Variants in FRMD7 observed in about 807,000 individuals in gnomAD.
The protein encoded by FRMD7 is FERM domain containing 7, also known as FERM domain-containing protein 7.
In FRMD7, 14 loss-of-function variants were observed where a neutral mutation model predicts 44.1. The observed-to-expected ratio is 0.32, with a 90% CI of 0.21 to 0.50. FRMD7 has a LOEUF of 0.50. FRMD7 is among the 20% of genes least tolerant of loss of function. The pLI, the probability that FRMD7 is intolerant of heterozygous loss-of-function variation, is 0.99. For missense variants in FRMD7, 501 were observed against 522.3 expected (o/e 0.96, Z 0.40); for synonymous variants, 212 against 187.4 (o/e 1.13, Z -1.07).
intron 1 of FRMD7, among the ~76,000 whole-genome samples, chrX:132,104,829 A>C (rs924168039): frequency 1.8e-5 from 2 of 112,779 alleles, no homozygotes; most frequent in African/African-American, 6.4e-5. Flanking sequence ...TCCCATGCTT[A>C]CTAATGATTA....
chrX:132,094,715 GT>G (rs1190391649), intron 4 of FRMD7, among the ~76,000 whole-genome samples: 1 of 112,051 alleles, frequency 8.9e-6, no homozygotes, highest in Non-Finnish European at 1.9e-5. Context: ...AAAAGACTGT[GT>G]TTTAGAAATG....
intron 4 of FRMD7, 57 bp from the exon 5 acceptor site, chrX:132,094,196 T>C: frequency 1.4e-6 from 1 of 732,288 alleles, no homozygotes. Context: ...GAAAGAAGCA[T>C]TTTCCTTCTC....
chrX:132,077,984 C>A lies in FRMD7; in HGVS notation c.2033G>T (p.Arg678Leu), dbSNP rs755557174. ...KEIRSPMARI[R>L]LSSGSLQLDE... ...TAACTGTAGACTACCAGAAGACAGGCGGATTCTGGCCATGGGTGACCTTAT... is the reference window on the plus strand; with the variant it reads ...TAACTGTAGACTACCAGAAGACAGGAGGATTCTGGCCATGGGTGACCTTAT... The change falls in exon 12 of 12, where the codon CGC becomes CTC. Residue 678 changes from arginine (R) to leucine (L), a missense_variant. Around this residue, in one of 3 missense-constraint regions of FRMD7, gnomAD observed 453 missense variants for 452.7 expected, o/e 1.00. Coordinates refer to ENST00000298542, the MANE Select transcript of FRMD7 (RefSeq NM_194277.3). 1 of 1,208,508 alleles carries A rather than the reference C, an allele frequency of 8.3e-7. No individual in the cohort carries two copies.
rs1317899091 is a variant in FRMD7, at chrX:132,078,499, G to A, written c.1518C>T (p.Pro506=). The A allele has an allele frequency of 8.3e-7, 1 of 1,210,486 alleles. No individual in the cohort carries two copies. The highest frequency in any genetic ancestry group is 2.2e-5 in the Admixed American group (1 of 45,978). Residue 506 remains proline, a synonymous_variant, in exon 12 of 12, where the codon CCC becomes CCT. Transcript: ENST00000298542. ...CCTCTGCTCTAATTGGGGACCATCT[G>A]GGCACCTGGGGTGGCTTGTCCACAT... ...FFYVDKPPQV[P]RWSPIRAEER...
At chrX:132,101,054 T>G (rs1928484400) in intron 1 of FRMD7, among the ~76,000 whole-genome samples, 1 of 111,670 alleles carries the variant, frequency 9.0e-6, no homozygotes, top group Admixed American at 9.5e-5. Flanking sequence ...TTCTTCCAAA[T>G]TGACAGATAG....
At chrX:132,092,466 T>C (rs2124237934) in intron 5 of FRMD7, among the ~76,000 whole-genome samples, 1 of 112,082 alleles carries the variant, frequency 8.9e-6, no homozygotes, top group East Asian at 2.8e-4. Flanking sequence ...AGCAATCTAG[T>C]TGTGTTCTGC....
chrX:132,096,386 C>T (rs1002669112), intron 4 of FRMD7, among the ~76,000 whole-genome samples: 1 of 110,095 alleles, frequency 9.1e-6, no homozygotes, highest in Non-Finnish European at 1.9e-5. Context: ...TAAGAGGGCT[C>T]GATTAGATTA....
intron 1 of FRMD7, among the ~76,000 whole-genome samples, chrX:132,123,962 C>T (rs1053502018): frequency 2.7e-5 from 3 of 112,124 alleles, no homozygotes; most frequent in Non-Finnish European, 5.6e-5. Flanking sequence ...GTGTCAAATA[C>T]GGTGATGGGA....
chrX:132,093,982 C>A, intron 5 of FRMD7, 60 bp downstream of exon 5: 1 of 699,959 alleles, frequency 1.4e-6, no homozygotes, highest in Non-Finnish European at 2.3e-6. Context: ...AGCTCAGCTC[C>A]TGTGCTTGGT....
At chrX:132,079,447 T>C (rs1927736162) in intron 11 of FRMD7, among the ~76,000 whole-genome samples, 1 of 112,072 alleles carries the variant, frequency 8.9e-6, no homozygotes, top group Admixed American at 9.5e-5. Flanking sequence ...TGATGCCTTT[T>C]GGATAAAAAC....
At chrX:132,110,264 G>A (rs889790982) in intron 1 of FRMD7, among the ~76,000 whole-genome samples, 1 of 111,156 alleles carries the variant, frequency 9.0e-6, no homozygotes, top group African/African-American at 3.3e-5. Context: ...TGGAGGAGGG[G>A]GTAAAACAGG....
At chrX:132,091,909 T>G (rs1032499596) in intron 5 of FRMD7, among the ~76,000 whole-genome samples, 3 of 111,919 alleles carry the variant, frequency 2.7e-5, no homozygotes, top group Non-Finnish European at 5.6e-5. Flanking sequence ...AATATAAATA[T>G]TCAGTATCTG....
rs750320516 is a variant in FRMD7 at position 132,094,142 on chromosome X, G to A, written c.285-3C>T. ...TTATTTGAAGAGTAAAAAGATACCTGCAAAGAAATTGGGGAGAATCTCTTG... is the reference window on the plus strand; with the variant it reads ...TTATTTGAAGAGTAAAAAGATACCTACAAAGAAATTGGGGAGAATCTCTTG... On this transcript the variant is annotated splice_region_variant and splice_polypyrimidine_tract_variant and intron_variant, in intron 4 of 11. Transcript: ENST00000298542. The A allele has an allele frequency of 1.1e-5, 11 of 1,033,886 alleles. No homozygotes were observed. In the Admixed American group the frequency reaches 1.5e-4, roughly 14 times the overall value. 85.2% of individuals were successfully genotyped at this position (1,033,886 alleles called of 1,213,427 possible).
At chrX:132,116,379 T>A (rs1928898365) in intron 1 of FRMD7, among the ~76,000 whole-genome samples, 1 of 111,701 alleles carries the variant, frequency 9.0e-6, no homozygotes, top group African/African-American at 3.3e-5. Flanking sequence ...TGCCACGTAT[T>A]TTTCTAACCT....
chrX:132,110,992 C>T (rs1175992307), intron 1 of FRMD7, among the ~76,000 whole-genome samples: 2 of 111,193 alleles, frequency 1.8e-5, no homozygotes, highest in Non-Finnish European at 3.8e-5. Flanking sequence ...CAAGAGCAGC[C>T]TGGGCAACAT....
At chrX:132,092,578 C>CA (rs1255017316) in intron 5 of FRMD7, among the ~76,000 whole-genome samples, 1 of 111,973 alleles carries the variant, frequency 8.9e-6, no homozygotes, top group Non-Finnish European at 1.9e-5. Flanking sequence ...TTTCTACTGA[C>CA]AGACAATATC....
In FRMD7 at chrX:132,124,948, G is replaced by A. The variant is rs1278757791; in HGVS notation, c.57+2840C>T. Among the ~76,000 whole-genome samples the A allele has an allele frequency of 3.6e-5, 4 of 111,716 alleles. No homozygotes were observed. In the East Asian group the frequency reaches 1.1e-3, roughly 31 times the overall value. On this transcript the variant is annotated intron_variant, in intron 1 of 11. Transcript: ENST00000298542. ...TAATTAATGAATACGTGACTAAAAG[G>A]TCTCAATGCCATGGCCTCTGTGGAC...
At position 132,078,187 on chromosome X, in the gene FRMD7, T is replaced by A; in HGVS notation, c.1830A>T (p.Leu610Phe). The part of the protein sequence containing the change: ...RFPFGSEFRP[L>F]GPCPALSHKA... Reference sequence around the variant, plus strand: ...TATGACTGAGAGCAGGACAAGGCCCTAAAGGTCTAAATTCTGACCCAAAAG... The same window carrying A: ...TATGACTGAGAGCAGGACAAGGCCCAAAAGGTCTAAATTCTGACCCAAAAG... The change falls in exon 12 of 12, where the codon TTA (leucine) becomes TTT (phenylalanine). Residue 610 changes from leucine (L) to phenylalanine (F), a missense_variant. Around this residue, in one of 3 missense-constraint regions of FRMD7, gnomAD observed 453 missense variants for 452.7 expected, o/e 1.00. Transcript: ENST00000298542. 1.7e-6 allele frequency: 2 copies of A among 1,211,837 alleles called. No homozygotes were observed. Among genetic ancestry groups the A allele is most frequent in the Non-Finnish European group, 1.1e-6 (1 of 895,415 alleles).
chrX:132,084,420 G>A (rs1311280883), intron 8 of FRMD7, 70 bp downstream of exon 8: 2 of 641,048 alleles, frequency 3.1e-6, no homozygotes, highest in Non-Finnish European at 5.3e-6. Context: ...ACATTCAAAC[G>A]ATTTGCAGAA....
Sources: allele counts gnomAD v4.1 joint callset (sites outside exome capture counted in the v4.1 genomes callset), GRCh38; gene constraint gnomAD v4.1.1; regional missense constraint gnomAD v4.1.1; transcripts MANE v1.5; gene names NCBI Gene and HGNC (gene_info 2026-07-23, HGNC 2026-07-21).